CUL2: variants seen among roughly 807,000 people sequenced by gnomAD.
The protein encoded by CUL2 is cullin-2.
A neutral mutation model predicts 110.2 loss-of-function variants in CUL2; 22 were observed. The observed-to-expected ratio is 0.20, with a 90% CI of 0.14 to 0.28. The LOEUF (loss-of-function observed/expected upper bound fraction) is 0.28, where lower values mean the gene tolerates loss of function less well. Ranked by LOEUF, CUL2 falls within the 10% of genes least tolerant of loss-of-function variation. The pLI, the probability that CUL2 is intolerant of heterozygous loss-of-function variation, is 1.00. For missense variants in CUL2, 631 were observed against 905.5 expected (o/e 0.70, Z 3.89); for synonymous variants, 279 against 293.2 (o/e 0.95, Z 0.49).
At chr10:35,115,855 T>G (rs909476113) in intron 1 of CUL2, among the ~76,000 whole-genome samples, 1 of 151,972 alleles carries the variant, frequency 6.6e-6, no homozygotes. Flanking sequence ...ATTGCGCCAC[T>G]GCACTCCAGC....
At chr10:35,078,581 G>A (rs946835566) in intron 1 of CUL2, among the ~76,000 whole-genome samples, 9 of 152,046 alleles carry the variant, frequency 5.9e-5, no homozygotes, top group African/African-American at 2.2e-4. Flanking sequence ...GATTACAGGC[G>A]TGAGCTACTG....
chr10:35,100,779 AAG>A lies in CUL2; in HGVS notation c.167+63_167+64del, dbSNP rs2087366474. The A allele has an allele frequency of 2.0e-5, 3 of 149,062 alleles. No individual in the cohort carries two copies. In the South Asian group the frequency reaches 6.4e-4, roughly 32 times the overall value. 9.2% of individuals were successfully genotyped at this position (149,062 alleles called of 1,614,324 possible). A position where few individuals can be genotyped will look rare whatever the true frequency, so the allele number is the denominator to read the frequency against. On this transcript the variant is annotated intron_variant, in intron 2 of 5. Coordinates refer to the CUL2 transcript ENST00000685421. Reference sequence around the variant, plus strand: ...TCAAAAAAAAAAAAAAAAAAAAAAAAAGACCCTACAGTAAAAATTGACAGGGG... The same window carrying A: ...TCAAAAAAAAAAAAAAAAAAAAAAAAACCCTACAGTAAAAATTGACAGGGG...
intron 5 of CUL2, among the ~76,000 whole-genome samples, chr10:35,054,001 G>T (rs755167712): frequency 6.6e-5 from 10 of 152,136 alleles, no homozygotes; most frequent in Non-Finnish European, 1.3e-4. Flanking sequence ...TCAAGAACTT[G>T]AATGGACCAA....
intron 2 of CUL2, among the ~76,000 whole-genome samples, chr10:35,064,699 T>C (rs770364268): frequency 6.6e-5 from 10 of 152,198 alleles, no homozygotes; most frequent in Non-Finnish European, 1.2e-4. Flanking sequence ...TATTTATTTA[T>C]ATTTTTACTT....
chr10:35,091,435 G>C (rs781428364), upstream of CUL2, among the ~76,000 whole-genome samples: 11 of 151,904 alleles, frequency 7.2e-5, no homozygotes, highest in Non-Finnish European at 1.3e-4. Context: ...TTCAGTAAAG[G>C]GTTTTTATAT....
Position 35,015,729 on chromosome 10 carries a change from C to A in CUL2, c.1887+463G>T, listed in dbSNP as rs201908485. Among the ~76,000 whole-genome samples, 9 of 152,210 alleles carry A rather than the reference C, an allele frequency of 5.9e-5. No individual in the cohort carries two copies. In the East Asian group the frequency reaches 1.7e-3, roughly 29 times the overall value. On this transcript the variant is annotated intron_variant, in intron 18 of 20. Coordinates refer to ENST00000374749, the MANE Select transcript of CUL2 (RefSeq NM_003591.4). ...ATTAAAAATATATGGTGGTTAAAAA[C>A]AGATGACAGTTAATTGAGTGCTGAC...
At chr10:35,022,683 G>C (rs2085232003) in intron 17 of CUL2, among the ~76,000 whole-genome samples, 2 of 151,596 alleles carry the variant, frequency 1.3e-5, no homozygotes, top group Admixed American at 6.5e-5. Context: ...TTTCAGTTAG[G>C]ACCAGTAAGT....
At chr10:35,126,031 T>C (rs2087791118) in intron 1 of CUL2, among the ~76,000 whole-genome samples, 1 of 152,136 alleles carries the variant, frequency 6.6e-6, no homozygotes, top group African/African-American at 2.4e-5. Context: ...GGTTTCACCA[T>C]GTTGGCCAGG....
intron 2 of CUL2, among the ~76,000 whole-genome samples, chr10:35,095,908 C>A (rs948391054): frequency 3.3e-5 from 5 of 152,026 alleles, no homozygotes; most frequent in African/African-American, 9.7e-5. Flanking sequence ...TTTGGGATAC[C>A]CCTAGATACT....
At chr10:35,078,699 A>G (rs1420157714) in intron 1 of CUL2, among the ~76,000 whole-genome samples, 1 of 152,250 alleles carries the variant, frequency 6.6e-6, no homozygotes, top group Admixed American at 6.5e-5. Flanking sequence ...ACAGTATCTC[A>G]AAAGATGCAT....
At chr10:35,095,394 T>A (rs952371720), upstream of CUL2, among the ~76,000 whole-genome samples, 5 of 151,694 alleles carry the variant, frequency 3.3e-5, no homozygotes, top group African/African-American at 1.2e-4. Context: ...AAATAGAGAA[T>A]CATGTTTGGG....
In CUL2 at chr10:35,026,639, A is replaced by G. The variant is rs536637475; in HGVS notation, c.1618-1441T>C. Among the ~76,000 whole-genome samples the G allele has an allele frequency of 2.6e-5, 4 of 152,286 alleles. No individual in the cohort carries two copies. The South Asian group carries it at 8.3e-4, about 32-fold the overall frequency. On this transcript the variant is annotated intron_variant, in intron 16 of 20. Transcript: ENST00000374749. ...AAAGAAGATACTGATTCATCCTTAC[A>G]TTTAAAATCTGACTACAAAGACTCT...
At chr10:35,109,120 A>G (rs1415172463) in intron 1 of CUL2, among the ~76,000 whole-genome samples, 2 of 152,026 alleles carry the variant, frequency 1.3e-5, no homozygotes, top group Non-Finnish European at 2.9e-5. Context: ...GGCTGAGGTA[A>G]GAGGATTGCT....
rs59891080 is a variant in CUL2 at position 35,126,373 on chromosome 10, G to A, written c.-51+232C>T. 9.6e-3 allele frequency among the ~76,000 whole-genome samples: 1,455 copies of A among 152,340 alleles called. 32 individuals are homozygous for A. The highest frequency in any genetic ancestry group is 0.033 in the African/African-American group (1,375 of 41,578). ...AGGACTCAACCAGCTGTGACTGGCT[G>A]TGAATATGGAGGAAAAGGGCCACTA... On this transcript the variant is annotated intron_variant, in intron 1 of 5. Coordinates refer to the CUL2 transcript ENST00000685421.
At chr10:35,050,133 T>C (rs4244994) in intron 5 of CUL2, among the ~76,000 whole-genome samples, 3 of 151,844 alleles carry the variant, frequency 2.0e-5, no homozygotes, top group East Asian at 1.9e-4. Flanking sequence ...CCATCCTGGC[T>C]AACATGGCAA....
chr10:35,022,378 C>A (rs2085224060), intron 17 of CUL2, among the ~76,000 whole-genome samples: 1 of 152,146 alleles, frequency 6.6e-6, no homozygotes, highest in Non-Finnish European at 1.5e-5. Flanking sequence ...ATTTACAATA[C>A]AAAAATTAAC....
intron 15 of CUL2, among the ~76,000 whole-genome samples, chr10:35,029,240 T>G (rs528717292): frequency 6.6e-6 from 1 of 152,132 alleles, no homozygotes; most frequent in Non-Finnish European, 1.5e-5. Context: ...GCATTTTTAG[T>G]AGAGACGGGT....
chr10:35,105,567 G>C (rs2087444246), intron 1 of CUL2, among the ~76,000 whole-genome samples: 1 of 151,502 alleles, frequency 6.6e-6, no homozygotes, highest in Non-Finnish European at 1.5e-5. Flanking sequence ...AATTTGCCGG[G>C]TGTGGTGGCG....
chr10:35,031,394 TA>T lies in CUL2; in HGVS notation c.1300-9del. ...CAGCATTCTTGCGTAGAACTACATT[TA>T]AAAATATTTTAAAAGATTACTTCCT... On this transcript the variant is annotated splice_polypyrimidine_tract_variant and intron_variant, in intron 13 of 20. Transcript: ENST00000374749. The surrounding 1 kb of genome is among the most constrained non-coding windows in gnomAD (Gnocchi z 4.4). The T allele has an allele frequency of 6.2e-7, 1 of 1,604,390 alleles. No homozygotes were observed. Among genetic ancestry groups the T allele is most frequent in the Non-Finnish European group, 8.5e-7 (1 of 1,174,978 alleles).
Sources: allele counts gnomAD v4.1 joint callset (sites outside exome capture counted in the v4.1 genomes callset), GRCh38; gene constraint gnomAD v4.1.1; non-coding constraint Gnocchi (gnomAD v3.1); transcripts MANE v1.5; gene names NCBI Gene and HGNC (gene_info 2026-07-23, HGNC 2026-07-21).